Variants in CELF2 observed in about 807,000 individuals in gnomAD.
CELF2 encodes CUG triplet repeat RNA-binding protein 2.
CELF2 carries 8 observed loss-of-function variants against 62.6 expected under a neutral mutation model. That is an observed-to-expected ratio of 0.13 (90% CI 0.07 to 0.23). The LOEUF is 0.23. CELF2 is among the 10% of genes least tolerant of loss of function. The pLI is 1.00. For synonymous variants in CELF2, 258 were observed against 250.0 expected (o/e 1.03, Z -0.30); for missense variants, 333 against 671.0 (o/e 0.50, Z 5.56).
chr10:10,611,316 C>T, the CELF2 span, among the ~76,000 whole-genome samples: 1 of 152,048 alleles, frequency 6.6e-6, no homozygotes, highest in South Asian at 2.1e-4. Flanking sequence ...CTGGGCTTAC[C>T]CTAACTTCCT....
the CELF2 span, among the ~76,000 whole-genome samples, chr10:10,582,261 C>T: frequency 1.2e-4 from 18 of 152,068 alleles, no homozygotes; most frequent in Non-Finnish European, 2.4e-4. Flanking sequence ...TATAGCAAGC[C>T]CCTTACAACA....
At chr10:11,301,892 G>C (rs537578353) in intron 9 of CELF2, among the ~76,000 whole-genome samples, 39 of 152,244 alleles carry the variant, frequency 2.6e-4, no homozygotes, top group African/African-American at 9.4e-4. Context: ...CCCTTGTCCA[G>C]CGCACTAGGG....
rs1176749959 is a variant in CELF2 at position 11,324,025 on chromosome 10, T to G, written c.1295-1811T>G. Reference sequence around the variant, plus strand: ...GGGGATCTATGTCAAGAGATGGTGCTGACATTTTTTTCTTGGGAATATCAG... The same window carrying G: ...GGGGATCTATGTCAAGAGATGGTGCGGACATTTTTTTCTTGGGAATATCAG... On this transcript the variant is annotated intron_variant, in intron 11 of 12. Coordinates refer to ENST00000633077, the MANE Select transcript of CELF2 (RefSeq NM_001326342.2). The surrounding 1 kb of genome is among the most constrained non-coding windows in gnomAD (Gnocchi z 4.7). 1.3e-5 allele frequency among the ~76,000 whole-genome samples: 2 copies of G among 152,126 alleles called. No individual in the cohort carries two copies. Among genetic ancestry groups the G allele is most frequent in the Non-Finnish European group, 2.9e-5 (2 of 68,022 alleles).
the CELF2 span, among the ~76,000 whole-genome samples, chr10:10,622,755 A>T: frequency 6.6e-6 from 1 of 152,074 alleles, no homozygotes; most frequent in African/African-American, 2.4e-5. Context: ...TGCAGACAGG[A>T]TGTGTGATTG....
chr10:10,837,768 A>G (rs1332130277), intron 1 of CELF2, among the ~76,000 whole-genome samples: 4 of 152,170 alleles, frequency 2.6e-5, no homozygotes, highest in Non-Finnish European at 5.9e-5. Flanking sequence ...AGTGCTGGCA[A>G]AGTGCAAGAT....
intron 1 of CELF2, among the ~76,000 whole-genome samples, chr10:10,899,813 C>G (rs1167332645): frequency 6.6e-6 from 1 of 152,172 alleles, no homozygotes; most frequent in Non-Finnish European, 1.5e-5. Context: ...AGAACCAAAT[C>G]TCACAATAAC....
chr10:10,617,781 A>T, the CELF2 span, among the ~76,000 whole-genome samples: 1 of 152,094 alleles, frequency 6.6e-6, no homozygotes, highest in African/African-American at 2.4e-5. Context: ...CCAAAGCACA[A>T]AGCTTTACTG....
At chr10:11,284,432 TGGATGAGTGTGTGGTGGGTGGATGAG>T (rs1590653867) in intron 8 of CELF2, among the ~76,000 whole-genome samples, 17 of 16,384 alleles carry the variant, frequency 1.0e-3, no homozygotes, top group East Asian at 2.1e-3. Flanking sequence ...AGGTGGATGA[TGGATGAGTGTGTGGTGGGTGGATGAG>T]GGATGAGTGT....
rs576980460 is a variant in CELF2, at chr10:10,947,888, G to A, written c.89+27889G>A. On this transcript the variant is annotated intron_variant, in intron 2 of 13. Transcript: ENST00000636488. This position sits in a 1 kb window ranked among gnomAD's most constrained non-coding sequence, Gnocchi z 4.1. ...AGAGGAGAGGTGGGATCCCATAGGA[G>A]CTTGAGGCAAGAACGTCCAAGCATG... Among the ~76,000 whole-genome samples the A allele has an allele frequency of 7.9e-5, 12 of 152,340 alleles. No homozygotes were observed. The highest frequency in any genetic ancestry group is 2.9e-4 in the African/African-American group (12 of 41,582).
the CELF2 span, among the ~76,000 whole-genome samples, chr10:10,591,278 T>C: frequency 6.6e-6 from 1 of 152,148 alleles, no homozygotes; most frequent in Non-Finnish European, 1.5e-5. Context: ...TAATGAAACA[T>C]TTAATAATGG....
the CELF2 span, among the ~76,000 whole-genome samples, chr10:10,514,477 A>C: frequency 6.6e-6 from 1 of 152,198 alleles, no homozygotes; most frequent in African/African-American, 2.4e-5. Flanking sequence ...AACTTACTTG[A>C]AGGATGTTAA....
At chr10:10,774,460 G>C in the CELF2 span, among the ~76,000 whole-genome samples, 2 of 152,188 alleles carry the variant, frequency 1.3e-5, no homozygotes, top group African/African-American at 4.8e-5. Context: ...TTCATGAATG[G>C]TTTAGCACCA....
At chr10:11,245,447 C>T (rs538655378) in intron 3 of CELF2, among the ~76,000 whole-genome samples, 2 of 152,350 alleles carry the variant, frequency 1.3e-5, no homozygotes, top group African/African-American at 4.8e-5. Flanking sequence ...CATTATCTAG[C>T]TTGTCTTCAG....
chr10:10,538,142 G>A, the CELF2 span, among the ~76,000 whole-genome samples: 1 of 152,204 alleles, frequency 6.6e-6, no homozygotes, highest in Non-Finnish European at 1.5e-5. Context: ...GTTGTTGCTA[G>A]TAGGGGTGCC....
chr10:10,613,972 T>C, the CELF2 span, among the ~76,000 whole-genome samples: 1 of 152,190 alleles, frequency 6.6e-6, no homozygotes, highest in Admixed American at 6.5e-5. Flanking sequence ...CCTCAATGTC[T>C]ATAATTTTTA....
At chr10:11,251,773 T>C (rs1281597398) in intron 4 of CELF2, among the ~76,000 whole-genome samples, 1 of 152,218 alleles carries the variant, frequency 6.6e-6, no homozygotes. Flanking sequence ...AGTTAACGTC[T>C]ATAAAGAGCT....
chr10:11,034,266 A>G (rs897484895), intron 1 of CELF2, among the ~76,000 whole-genome samples: 2 of 152,216 alleles, frequency 1.3e-5, no homozygotes, highest in Non-Finnish European at 2.9e-5. Context: ...GTTGAGATAC[A>G]AGAAATTAAC....
upstream of CELF2, among the ~76,000 whole-genome samples, chr10:11,015,736 T>C (rs949643129): frequency 6.6e-6 from 1 of 152,230 alleles, no homozygotes; most frequent in Non-Finnish European, 1.5e-5. The surrounding 1 kb of genome is among the most constrained non-coding windows in gnomAD (Gnocchi z 4.8). Context: ...CCTCATAGTA[T>C]GATTAAAAGC....
intron 1 of CELF2, among the ~76,000 whole-genome samples, chr10:11,122,029 C>T (rs987415597): frequency 1.3e-5 from 2 of 152,296 alleles, no homozygotes; most frequent in African/African-American, 4.8e-5. Flanking sequence ...GAATCTGGAA[C>T]GCTCCACACC....
Sources: gnomAD v4.1 joint callset for allele counts (sites outside exome capture counted in the v4.1 genomes callset) on GRCh38, gnomAD v4.1.1 for gene constraint, Gnocchi (gnomAD v3.1) non-coding constraint, MANE v1.5 for transcripts, NCBI Gene and HGNC (gene_info 2026-07-23, HGNC 2026-07-21) for gene names.